ABHD5: variants seen among roughly 807,000 people sequenced by gnomAD.
ABHD5 encodes abhydrolase domain containing 5, lysophosphatidic acid acyltransferase, also known as 1-acylglycerol-3-phosphate O-acyltransferase ABHD5.
ABHD5 carries 30 observed loss-of-function variants against 44.9 expected under a neutral mutation model. The ratio of observed to expected loss-of-function variants is 0.67; its 90% CI spans 0.50 to 0.91. The LOEUF is 0.91. Ranked by LOEUF, ABHD5 falls within the 40% of genes least tolerant of loss-of-function variation. The probability of loss-of-function intolerance (pLI) is 0.00; values close to 1 mark genes in which losing one functional copy is unlikely to be tolerated. For missense variants in ABHD5, 399 were observed against 423.4 expected (o/e 0.94, Z 0.50); for synonymous variants, 167 against 147.0 (o/e 1.14, Z -0.99).
chr3:43,692,932 A>G (rs1481521959), intron 1 of ABHD5, among the ~76,000 whole-genome samples: 1 of 152,216 alleles, frequency 6.6e-6, no homozygotes, highest in African/African-American at 2.4e-5. Flanking sequence ...GGAAAGTTAT[A>G]AAATGGTCAT....
intron 3 of ABHD5, 53 bp downstream of exon 3, chr3:43,702,640 A>C (rs1445335324): frequency 6.2e-7 from 1 of 1,613,390 alleles, no homozygotes; most frequent in East Asian, 2.2e-5. Flanking sequence ...CAAGTACCAG[A>C]CTCTAGTTCC....
chr3:43,695,256 G>A (rs760936341), intron 1 of ABHD5: 3 of 152,094 alleles, frequency 2.0e-5, no homozygotes, highest in Non-Finnish European at 2.9e-5. Flanking sequence ...TTTCCAATTT[G>A]GATGTTTTTA....
chr3:43,690,871 G>C (rs986437233), upstream of ABHD5: 18 of 1,125,558 alleles, frequency 1.6e-5, no homozygotes, highest in Admixed American at 3.8e-4. Flanking sequence ...GGCCGTGCTA[G>C]TGCGCGGAAG....
intron 1 of ABHD5, among the ~76,000 whole-genome samples, chr3:43,694,583 T>G (rs1179820948): frequency 1.3e-5 from 2 of 152,164 alleles, no homozygotes; most frequent in Non-Finnish European, 2.9e-5. Flanking sequence ...TGAGGTCATA[T>G]AAGTGACTCT....
intron 1 of ABHD5, among the ~76,000 whole-genome samples, chr3:43,698,985 G>T (rs2084506511): frequency 2.0e-5 from 3 of 152,030 alleles, no homozygotes; most frequent in African/African-American, 4.8e-5. Context: ...TGCATTTTTT[G>T]TGTTTTCTTG....
upstream of ABHD5, chr3:43,690,925 C>G (rs561357404): frequency 1.9e-4 from 288 of 1,505,546 alleles, 1 homozygote; most frequent in African/African-American, 3.0e-3. Flanking sequence ...GCCGCGCCAG[C>G]CCGGGGCGGC....
At chr3:43,702,019 C>A in intron 2 of ABHD5, 196 bp from the exon 3 acceptor site, 1 of 550,020 alleles carries the variant, frequency 1.8e-6, no homozygotes, top group Non-Finnish European at 3.2e-6. Flanking sequence ...GTAGGTCTTC[C>A]CCTTTAGGTG....
intron 1 of ABHD5, among the ~76,000 whole-genome samples, chr3:43,696,311 A>G (rs2084473592): frequency 6.6e-6 from 1 of 152,218 alleles, no homozygotes; most frequent in Non-Finnish European, 1.5e-5. Context: ...AGGAAGAGGC[A>G]TTGAATCTAG....
intron 3 of ABHD5, among the ~76,000 whole-genome samples, chr3:43,703,619 T>TA (rs1453868114): frequency 6.6e-6 from 1 of 152,234 alleles, no homozygotes; most frequent in Non-Finnish European, 1.5e-5. Context: ...AAAAAATGAA[T>TA]ACAGCATTTT....
At chr3:43,702,189 G>T in intron 2 of ABHD5, 26 bp from the exon 3 acceptor site, 1 of 1,566,218 alleles carries the variant, frequency 6.4e-7, no homozygotes, top group Non-Finnish European at 8.7e-7. Context: ...AAATGAAACA[G>T]AATTTCTCTT....
rs1214614482 is a variant in ABHD5 at position 43,722,360 on chromosome 3, A to G, written c.*3828A>G. 1.3e-5 allele frequency: 2 copies of G among 152,262 alleles called. No homozygotes were observed. The highest frequency in any genetic ancestry group is 6.5e-5 in the Admixed American group (1 of 15,290). 9.4% of individuals were successfully genotyped at this position (152,262 alleles called of 1,614,324 possible). ...GAATGTATGGTGTGCTGTCTGTTGT[A>G]TAACGAAGAGACAAATGGAAAAAAT... On this transcript the variant is annotated 3_prime_UTR_variant, in exon 7 of 7. Coordinates refer to ENST00000644371, the MANE Select transcript of ABHD5 (RefSeq NM_016006.6).
downstream of ABHD5, among the ~76,000 whole-genome samples, chr3:43,725,152 A>G (rs2084869165): frequency 6.6e-6 from 1 of 152,120 alleles, no homozygotes; most frequent in Admixed American, 6.6e-5. Context: ...CTTCTCCCTA[A>G]CTAAGAAACA....
chr3:43,713,569 C>T (rs933193468), intron 4 of ABHD5, among the ~76,000 whole-genome samples: 10 of 152,006 alleles, frequency 6.6e-5, no homozygotes, highest in African/African-American at 2.4e-4. Flanking sequence ...GGTGACCACA[C>T]TTTATTGCTT....
chr3:43,732,451 A>G (rs1387336857), intron 7 of ABHD5, among the ~76,000 whole-genome samples: 5 of 152,108 alleles, frequency 3.3e-5, no homozygotes. Context: ...CAAAACAAAC[A>G]GAATAGAGGG....
intron 3 of ABHD5, among the ~76,000 whole-genome samples, chr3:43,709,153 T>A (rs2084657306): frequency 6.6e-6 from 1 of 152,214 alleles, no homozygotes; most frequent in Non-Finnish European, 1.5e-5. Flanking sequence ...AGCATATTAA[T>A]CCAAATGTTT....
chr3:43,695,620 A>T (rs991748297), intron 1 of ABHD5, among the ~76,000 whole-genome samples: 4 of 152,214 alleles, frequency 2.6e-5, no homozygotes, highest in African/African-American at 9.6e-5. Flanking sequence ...CTGTTTCATA[A>T]TGTTTATAGA....
intron 1 of ABHD5, among the ~76,000 whole-genome samples, chr3:43,693,686 T>G (rs1277757044): frequency 6.6e-6 from 1 of 152,160 alleles, no homozygotes; most frequent in African/African-American, 2.4e-5. Flanking sequence ...ATTCTAGGTC[T>G]TAATGACATT....
At position 43,715,026 on chromosome 3, in the gene ABHD5, A is replaced by G. The variant is rs760659082; in HGVS notation, c.741A>G (p.Glu247=). The part of the protein sequence containing the change: ...SSMFEDDTVT[E]YIYHCNVQTP... ...TGTTCGAAGACGATACTGTGACAGA[A>G]TACATCTACCACTGTAATGTGCAGA... Residue 247 remains glutamate, a synonymous_variant, in exon 5 of 7, where the codon GAA becomes GAG. Transcript: ENST00000644371. 9.7e-5 allele frequency: 157 copies of G among 1,613,442 alleles called. No individual in the cohort carries two copies. Among genetic ancestry groups the G allele is most frequent in the Non-Finnish European group, 1.2e-4 (147 of 1,179,748 alleles).
intron 1 of ABHD5, among the ~76,000 whole-genome samples, chr3:43,692,468 C>T (rs2084407372): frequency 6.6e-6 from 1 of 152,094 alleles, no homozygotes; most frequent in Admixed American, 6.5e-5. Flanking sequence ...AGGACACAAT[C>T]GTGAAAGGGT....
Sources: gnomAD v4.1 joint callset for allele counts (sites outside exome capture counted in the v4.1 genomes callset) on GRCh38, gnomAD v4.1.1 for gene constraint, MANE v1.5 for transcripts, NCBI Gene and HGNC (gene_info 2026-07-23, HGNC 2026-07-21) for gene names.